Variants in CHMP4B observed in about 807,000 individuals in gnomAD.
The protein encoded by CHMP4B is charged multivesicular body protein 4B.
CHMP4B carries 1 observed loss-of-function variant against 25.1 expected under a neutral mutation model. That is an observed-to-expected ratio of 0.04 (90% CI 0.01 to 0.19). CHMP4B has a LOEUF of 0.19. Ranked by LOEUF, CHMP4B falls within the 10% of genes least tolerant of loss-of-function variation. The pLI is 1.00. For synonymous variants in CHMP4B, 101 were observed against 115.6 expected, an observed-to-expected ratio of 0.87 and a Z score of 0.81; for missense variants, 151 against 289.7, an observed-to-expected ratio of 0.52 and a Z score of 3.48.
At chr20:33,811,849 C>T (rs1978628971) in intron 1 of CHMP4B, among the ~76,000 whole-genome samples, 191 bp downstream of exon 1, 1 of 152,110 alleles carries the variant, frequency 6.6e-6, no homozygotes. Flanking sequence ...ACTTTTCCAT[C>T]GTCAGACTTA....
chr20:33,820,711 T>C (rs1228633326), intron 1 of CHMP4B, among the ~76,000 whole-genome samples: 2 of 152,146 alleles, frequency 1.3e-5, no homozygotes, highest in African/African-American at 2.4e-5. Flanking sequence ...TTTTATCGAA[T>C]AGTTATTTTG....
chr20:33,835,136 G>A (rs1278207785), intron 1 of CHMP4B, among the ~76,000 whole-genome samples: 2 of 152,180 alleles, frequency 1.3e-5, no homozygotes, highest in Non-Finnish European at 2.9e-5. Flanking sequence ...GGTGATAGAA[G>A]TAATGAGATT....
At chr20:33,850,843 GGCTGGGAA>G in intron 2 of CHMP4B, 101 bp from the exon 3 acceptor site, 3 of 768,866 alleles carry the variant, frequency 3.9e-6, no homozygotes, top group Non-Finnish European at 7.0e-6. Flanking sequence ...CAGGGGGTGT[GGCTGGGAA>G]GCTGATTTTG....
chr20:33,824,644 A>G (rs139887704), intron 1 of CHMP4B, among the ~76,000 whole-genome samples: 141 of 152,256 alleles, frequency 9.3e-4, no homozygotes, highest in Non-Finnish European at 1.4e-3. Context: ...TTTCTCTGTG[A>G]CCTCTAGAGT....
rs1363516447 is a variant in CHMP4B at position 33,853,816 on chromosome 20, T to A, written c.*256T>A. On this transcript the variant is annotated 3_prime_UTR_variant, in exon 5 of 5. Transcript: ENST00000217402. ...AATGTTGAATTTCTGTAAAATAAAC[T>A]GTATTTGCAAATCCAACATTGAGCT... 1.9e-6 allele frequency: 1 copy of A among 524,348 alleles called. No individual in the cohort carries two copies. Among genetic ancestry groups the A allele is most frequent in the African/African-American group, 1.9e-5 (1 of 52,322 alleles). 32.5% of individuals were successfully genotyped at this position (524,348 alleles called of 1,614,324 possible). A position where few individuals can be genotyped will look rare whatever the true frequency, so the allele number is the denominator to read the frequency against.
At chr20:33,842,296 T>C (rs1979565646) in intron 1 of CHMP4B, among the ~76,000 whole-genome samples, 1 of 151,776 alleles carries the variant, frequency 6.6e-6, no homozygotes, top group Admixed American at 6.6e-5. Flanking sequence ...ATGTTCAGGG[T>C]GGTATGGCCG....
At chr20:33,834,913 C>T (rs1411454720) in intron 1 of CHMP4B, among the ~76,000 whole-genome samples, 2 of 152,150 alleles carry the variant, frequency 1.3e-5, no homozygotes, top group Non-Finnish European at 2.9e-5. Context: ...AGCGATTCTC[C>T]TACCTCAGCC....
intron 1 of CHMP4B, among the ~76,000 whole-genome samples, chr20:33,819,790 A>C (rs916955315): frequency 5.9e-5 from 9 of 152,174 alleles, no homozygotes; most frequent in Non-Finnish European, 1.2e-4. Flanking sequence ...CAGCTTCTTT[A>C]GCTACAAAAA....
chr20:33,827,600 C>T (rs1055855452), intron 1 of CHMP4B, among the ~76,000 whole-genome samples: 15 of 152,260 alleles, frequency 9.9e-5, no homozygotes, highest in Admixed American at 1.3e-4. Flanking sequence ...AGGCAAGCAG[C>T]GCAGATGCTG....
chr20:33,831,839 C>T (rs1274230932), intron 1 of CHMP4B, among the ~76,000 whole-genome samples: 1 of 152,008 alleles, frequency 6.6e-6, no homozygotes, highest in African/African-American at 2.4e-5. Context: ...TTTTTAATTG[C>T]GCTAAGGTAT....
chr20:33,833,296 C>T (rs917195476), intron 1 of CHMP4B, among the ~76,000 whole-genome samples: 1 of 152,184 alleles, frequency 6.6e-6, no homozygotes, highest in African/African-American at 2.4e-5. Context: ...GCATCTCCAC[C>T]ACCTGGTTGC....
chr20:33,826,132 C>T (rs1046020925), intron 1 of CHMP4B, among the ~76,000 whole-genome samples: 8 of 152,106 alleles, frequency 5.3e-5, no homozygotes, highest in Admixed American at 3.3e-4. Context: ...AAATAAGGCA[C>T]GCCTACCATT....
rs148989507 is a variant in CHMP4B at position 33,846,911 on chromosome 20, G to A, written c.191-1556G>A. ...TTCCTAGCTTTTGATGCCCATTGCA[G>A]GGGAGCAAAAAATAGCTTCCCTTCT... is the stretch of plus-strand genomic sequence containing the variant. On this transcript the variant is annotated intron_variant, in intron 1 of 4. Transcript: ENST00000217402. 7.9e-5 allele frequency among the ~76,000 whole-genome samples: 12 copies of A among 152,216 alleles called. No individual in the cohort carries two copies. The East Asian group carries it at 2.3e-3, about 29-fold the overall frequency.
intron 1 of CHMP4B, among the ~76,000 whole-genome samples, chr20:33,838,963 C>T (rs965231752): frequency 7.9e-5 from 12 of 152,274 alleles, no homozygotes; most frequent in South Asian, 2.1e-4. Flanking sequence ...CCCTGGGCCA[C>T]GCCTGCTGAC....
chr20:33,849,147 G>A (rs2122815431), intron 2 of CHMP4B, among the ~76,000 whole-genome samples: 1 of 152,330 alleles, frequency 6.6e-6, no homozygotes, highest in East Asian at 1.9e-4. Context: ...TCCGGCTGTA[G>A]CTGTCATTGA....
chr20:33,843,054 T>A (rs1386387693), intron 1 of CHMP4B, among the ~76,000 whole-genome samples: 1 of 152,222 alleles, frequency 6.6e-6, no homozygotes, highest in Non-Finnish European at 1.5e-5. Flanking sequence ...AAAAATGGTT[T>A]CTGTAATCAC....
chr20:33,845,034 C>CA (rs1979649323), intron 1 of CHMP4B, among the ~76,000 whole-genome samples: 1 of 152,266 alleles, frequency 6.6e-6, no homozygotes, highest in African/African-American at 2.4e-5. Context: ...GCTGGGACTA[C>CA]AGGTGTGAGC....
chr20:33,829,606 C>T (rs1222123529), intron 1 of CHMP4B, among the ~76,000 whole-genome samples: 1 of 152,138 alleles, frequency 6.6e-6, no homozygotes, highest in African/African-American at 2.4e-5. Context: ...AAACCAGACC[C>T]CAGAAAGACT....
At chr20:33,814,459 G>C (rs1243820932) in intron 1 of CHMP4B, among the ~76,000 whole-genome samples, 1 of 152,152 alleles carries the variant, frequency 6.6e-6, no homozygotes, top group Non-Finnish European at 1.5e-5. Context: ...CCTGTTTGGG[G>C]GGAAGGATAA....
Sources: gnomAD v4.1 joint callset for allele counts (sites outside exome capture counted in the v4.1 genomes callset) on GRCh38, gnomAD v4.1.1 for gene constraint, MANE v1.5 for transcripts, NCBI Gene and HGNC (gene_info 2026-07-23, HGNC 2026-07-21) for gene names.